NAV3: variants seen among roughly 807,000 people sequenced by gnomAD.
The protein encoded by NAV3 is pore membrane and/or filament interacting like protein 1.
NAV3 carries 87 observed loss-of-function variants against 244.7 expected under a neutral mutation model. The ratio of observed to expected loss-of-function variants is 0.36; its 90% CI spans 0.30 to 0.42. The LOEUF (loss-of-function observed/expected upper bound fraction) is 0.42. NAV3 is among the 20% of genes least tolerant of loss of function. The pLI, the probability that NAV3 is intolerant of heterozygous loss-of-function variation, is 1.00. For missense variants in NAV3, 2,663 were observed against 2,893.3 expected, an observed-to-expected ratio of 0.92 and a Z score of 1.83; for synonymous variants, 1,126 against 1,042.2, an observed-to-expected ratio of 1.08 and a Z score of -1.55.
intron 5 of NAV3, among the ~76,000 whole-genome samples, chr12:77,969,160 G>GTGTGTGTGTGTGTGTGTGTGTGTGTT: frequency 2.0e-5 from 3 of 151,746 alleles, no homozygotes; most frequent in African/African-American, 7.3e-5. Context: ...GTGTGTGTGT[G>GTGTGTGTGTGTGTGTGTGTGTGTGTT]TGTGTGTGTG....
chr12:77,647,467 G>T (rs909461506), intron 2 of NAV3, among the ~76,000 whole-genome samples: 2 of 148,990 alleles, frequency 1.3e-5, no homozygotes, highest in East Asian at 2.0e-4. Flanking sequence ...TTTTTGTTTT[G>T]TTTTTGTTTT....
At chr12:77,618,877 G>A (rs140351451) in intron 2 of NAV3, among the ~76,000 whole-genome samples, 32 of 152,274 alleles carry the variant, frequency 2.1e-4, no homozygotes, top group Non-Finnish European at 3.8e-4. Context: ...ATTGTCAGTA[G>A]CCTACTTGAG....
chr12:77,926,602 T>A (rs1888249173), intron 1 of NAV3, among the ~76,000 whole-genome samples: 1 of 152,206 alleles, frequency 6.6e-6, no homozygotes, highest in African/African-American at 2.4e-5. Context: ...GAATTAAATC[T>A]CTTGTAATTT....
intron 12 of NAV3, among the ~76,000 whole-genome samples, chr12:78,085,025 CA>C (rs1408758994): frequency 2.0e-5 from 3 of 151,958 alleles, no homozygotes; most frequent in African/African-American, 7.2e-5. Context: ...TTGCCATCAT[CA>C]AAGGGATGGG....
At position 78,118,060 on chromosome 12, in the gene NAV3, G is replaced by A. The variant is rs2138563330; in HGVS notation, c.2803G>A (p.Asp935Asn). The A allele has an allele frequency of 6.2e-7, 1 of 1,613,810 alleles. No homozygotes were observed. ...AGATTCAGAGAAACGCTCCACCACA[G>A]ACGAGACCTGGGATAGTCCTGAGGA... ...RTDSEKRSTT[D>N]ETWDSPEELK... Residue 935 changes from aspartate to asparagine, a missense_variant, in exon 14 of 40, where the codon GAC (aspartate) becomes AAC (asparagine). Asp to Asn is a conservative substitution (Grantham distance 23). Transcript: ENST00000397909.
chr12:77,924,344 AT>A (rs1278714142), intron 1 of NAV3, among the ~76,000 whole-genome samples: 1 of 152,126 alleles, frequency 6.6e-6, no homozygotes, highest in Non-Finnish European at 1.5e-5. Flanking sequence ...TATCTAGTCC[AT>A]TTTTATCCAC....
At chr12:77,867,790 T>A (rs990253234) in intron 1 of NAV3, among the ~76,000 whole-genome samples, 13 of 152,148 alleles carry the variant, frequency 8.5e-5, no homozygotes, top group African/African-American at 3.1e-4. Flanking sequence ...ACTTTCATTG[T>A]GTTAGAGTGG....
chr12:78,126,966 A>G (rs138385405), intron 16 of NAV3, among the ~76,000 whole-genome samples: 1 of 152,350 alleles, frequency 6.6e-6, no homozygotes, highest in East Asian at 1.9e-4. Flanking sequence ...ATTGAATTGT[A>G]CTGCATTAGA....
chr12:78,032,337 A>G (rs1879140568), intron 9 of NAV3, among the ~76,000 whole-genome samples: 1 of 152,228 alleles, frequency 6.6e-6, no homozygotes, highest in African/African-American at 2.4e-5. Context: ...TTGACATTAT[A>G]AAAACATTGT....
intron 2 of NAV3, among the ~76,000 whole-genome samples, chr12:77,574,186 A>G (rs1868970442): frequency 6.6e-6 from 1 of 152,152 alleles, no homozygotes; most frequent in South Asian, 2.1e-4. Context: ...AATGAGCAGT[A>G]TCAAGAGTGG....
intron 9 of NAV3, among the ~76,000 whole-genome samples, chr12:78,026,892 G>C (rs1457062590): frequency 6.6e-6 from 1 of 152,102 alleles, no homozygotes; most frequent in Non-Finnish European, 1.5e-5. Flanking sequence ...GAGGAAAACA[G>C]TAAACAGAAA....
intron 2 of NAV3, among the ~76,000 whole-genome samples, chr12:77,677,618 G>C (rs1444505664): frequency 6.6e-6 from 1 of 152,172 alleles, no homozygotes; most frequent in Non-Finnish European, 1.5e-5. Flanking sequence ...TCTGTAAAAT[G>C]GACATGTACC....
At chr12:77,650,862 TTAA>T (rs1002014575) in intron 2 of NAV3, among the ~76,000 whole-genome samples, 3 of 152,118 alleles carry the variant, frequency 2.0e-5, no homozygotes, top group Non-Finnish European at 4.4e-5. Context: ...AGTGACAGAC[TTAA>T]TAAAAATGAA....
At position 77,928,410 on chromosome 12, in the gene NAV3, G is replaced by C. The variant is rs569047087; in HGVS notation, c.244-11909G>C. Among the ~76,000 whole-genome samples, 3 of 152,036 alleles carry C rather than the reference G, an allele frequency of 2.0e-5. No individual in the cohort carries two copies. The East Asian group carries it at 5.8e-4, about 29-fold the overall frequency. On this transcript the variant is annotated intron_variant, in intron 1 of 39. Coordinates refer to ENST00000397909, the MANE Select transcript of NAV3 (RefSeq NM_001024383.2). ...GTAGCTAGAATGCCAAAGGATAAGGGAGATGGAGGAAAGATGAGGCAGTCA... is the reference window on the plus strand; with the variant it reads ...GTAGCTAGAATGCCAAAGGATAAGGCAGATGGAGGAAAGATGAGGCAGTCA...
intron 1 of NAV3, among the ~76,000 whole-genome samples, chr12:77,913,627 G>T (rs1204000046): frequency 6.6e-6 from 1 of 152,000 alleles, no homozygotes; most frequent in Non-Finnish European, 1.5e-5. Context: ...TTTCTTGGAA[G>T]ATTGGACCCA....
intron 30 of NAV3, 77 bp from the exon 31 acceptor site, chr12:78,185,524 G>A: frequency 8.1e-7 from 1 of 1,233,822 alleles, no homozygotes; most frequent in South Asian, 1.3e-5. Context: ...AAAACTATGA[G>A]GGAGAAAAGA....
At chr12:78,121,857 G>T (rs1008190709) in intron 15 of NAV3, 83 bp from the exon 16 acceptor site, 13 of 1,534,414 alleles carry the variant, frequency 8.5e-6, no homozygotes, top group Non-Finnish European at 1.1e-5. Flanking sequence ...AGCACACTTG[G>T]CTCTGTGTAC....
At chr12:78,159,084 A>C in intron 22 of NAV3, 119 bp from the exon 23 acceptor site, 1 of 651,026 alleles carries the variant, frequency 1.5e-6, no homozygotes, top group South Asian at 2.3e-5. Flanking sequence ...TAACTATGAT[A>C]GTCATAGTAT....
In NAV3 at chr12:78,179,628, C is replaced by A; in HGVS notation, c.5463C>A (p.Ala1821=). The A allele has an allele frequency of 6.2e-7, 1 of 1,613,290 alleles. No homozygotes were observed. The highest frequency in any genetic ancestry group is 8.5e-7 in the Non-Finnish European group (1 of 1,179,506). Residue 1821 remains alanine (A), a synonymous_variant, in exon 29 of 40, where the codon GCC becomes GCA. Transcript: ENST00000397909. ...ELKLTDIRLE[A]LSSAHHLDQI... The stretch of plus-strand genomic sequence containing the variant: ...AATTAACGGATATTCGGCTGGAGGC[C>A]CTCAGCTCTGCTCATCATCTTGATC...
Sources: allele counts gnomAD v4.1 joint callset (sites outside exome capture counted in the v4.1 genomes callset), GRCh38; gene constraint gnomAD v4.1.1; transcripts MANE v1.5; gene names NCBI Gene and HGNC (gene_info 2026-07-23, HGNC 2026-07-21).